The following UBR4 variants were observed in gnomAD, a reference collection of about 807,000 sequenced individuals.
UBR4 encodes the protein E3 ubiquitin-protein ligase UBR4.
UBR4 carries 124 observed loss-of-function variants against 575.6 expected under a neutral mutation model. The observed-to-expected ratio is 0.22, with a 90% confidence interval of 0.19 to 0.25. UBR4 has a LOEUF of 0.25. UBR4 is among the 10% of genes least tolerant of loss of function. The pLI is 1.00. For synonymous variants in UBR4, 2,455 were observed against 2,473.7 expected (o/e 0.99, Z 0.22); for missense variants, 4,818 against 6,478.8 (o/e 0.74, Z 8.80).
intron 55 of UBR4, among the ~76,000 whole-genome samples, chr1:19,143,231 GA>G (rs2084228230): frequency 9.8e-6 from 1 of 102,502 alleles, no homozygotes. Context: ...AGGAAGGAAG[GA>G]AGGCAGGAAG....
At chr1:19,203,006 A>G (rs1250721144) in intron 1 of UBR4, among the ~76,000 whole-genome samples, 1 of 151,924 alleles carries the variant, frequency 6.6e-6, no homozygotes, top group African/African-American at 2.4e-5. Context: ...GCTTGAACCC[A>G]GAAGGTAGAG....
In UBR4 at chr1:19,146,821, T is replaced by C. The variant is rs776749357; in HGVS notation, c.7804+5A>G. 3.1e-6 allele frequency: 5 copies of C among 1,611,616 alleles called. No individual in the cohort carries two copies. The African/African-American group carries it at 6.7e-5, about 22-fold the overall frequency. The stretch of plus-strand genomic sequence containing the variant: ...CAGGACCACGGCCACAGAGGCCAAG[T>C]TCACCTGTTTCCATCTGGGGCAGCT... On this transcript the variant is annotated splice_donor_5th_base_variant and intron_variant, in intron 52 of 105. Transcript: ENST00000375254.
intron 31 of UBR4, 51 bp downstream of exon 31, chr1:19,165,198 T>C: frequency 6.5e-7 from 1 of 1,546,368 alleles, no homozygotes; most frequent in Non-Finnish European, 8.9e-7. Flanking sequence ...TGCACAGTAT[T>C]AGCCGGACAT....
chr1:19,097,151 G>A, intron 91 of UBR4, 42 bp downstream of exon 91: 4 of 1,553,120 alleles, frequency 2.6e-6, no homozygotes, highest in Non-Finnish European at 3.5e-6. Context: ...AGCCGCTCAT[G>A]AGTCCCAAGC....
chr1:19,156,914 C>T lies in UBR4; in HGVS notation c.5772G>A (p.Leu1924=), dbSNP rs748282193. ...VSHEKGKITV[L]QLSALLKQAD... Reference sequence around the variant, plus strand: ...CTTGCTTCAGGAGTGCAGAGAGCTGCAGAACGGTGATCTGCAAAGGAACAA... The same window carrying T: ...CTTGCTTCAGGAGTGCAGAGAGCTGTAGAACGGTGATCTGCAAAGGAACAA... Residue 1924 remains leucine, a synonymous_variant, in exon 41 of 106, where the codon CTG becomes CTA. Coordinates refer to ENST00000375254, the MANE Select transcript of UBR4 (RefSeq NM_020765.3). 7 of 1,613,632 alleles carry T rather than the reference C, an allele frequency of 4.3e-6. No individual in the cohort carries two copies. Among genetic ancestry groups the T allele is most frequent in the Non-Finnish European group, 5.9e-6 (7 of 1,179,816 alleles).
chr1:19,145,754 G>C (rs1187515116), intron 53 of UBR4, 39 bp downstream of exon 53: 1 of 1,604,444 alleles, frequency 6.2e-7, no homozygotes, highest in Non-Finnish European at 8.5e-7. Flanking sequence ...ACTTACATCA[G>C]GCTTCATTAC....
At chr1:19,155,794 T>G (rs2086357809) in intron 42 of UBR4, 126 bp from the exon 43 acceptor site, 1 of 794,256 alleles carries the variant, frequency 1.3e-6, no homozygotes, top group South Asian at 1.7e-5. Flanking sequence ...AGTAAAAAAA[T>G]GGAGTGTTAG....
At position 19,107,053 on chromosome 1, in the gene UBR4, G is replaced by T. The variant is rs1002542689; in HGVS notation, c.12106-87C>A. On this transcript the variant is annotated intron_variant, in intron 81 of 105. Coordinates refer to ENST00000375254, the MANE Select transcript of UBR4 (RefSeq NM_020765.3). ...ACAGCATGGCACTGGTGCCCCAGGG[G>T]GTGATGTGCAAAGGCAAGAAGATCA... The T allele has an allele frequency of 1.0e-5, 16 of 1,550,942 alleles. No individual in the cohort carries two copies. The Admixed American group carries it at 2.6e-4, about 25-fold the overall frequency.
intron 60 of UBR4, among the ~76,000 whole-genome samples, chr1:19,133,907 T>C (rs930801522): frequency 6.6e-6 from 1 of 151,978 alleles, no homozygotes; most frequent in East Asian, 1.9e-4. Flanking sequence ...GACAAAACTC[T>C]GTCTCTACTA....
At chr1:19,208,712 C>T (rs2093148600) in intron 1 of UBR4, among the ~76,000 whole-genome samples, 1 of 151,988 alleles carries the variant, frequency 6.6e-6, no homozygotes, top group Non-Finnish European at 1.5e-5. Context: ...TTAAAGGTGG[C>T]CCCAGAATAC....
At chr1:19,122,778 G>T in intron 66 of UBR4, 55 bp downstream of exon 66, 8 of 1,591,336 alleles carry the variant, frequency 5.0e-6, no homozygotes, top group African/African-American at 1.3e-5. Context: ...TTACCTACTT[G>T]GCTAAGCCTT....
At chr1:19,190,948 T>C (rs1181659365) in intron 11 of UBR4, among the ~76,000 whole-genome samples, 1 of 152,200 alleles carries the variant, frequency 6.6e-6, no homozygotes, top group Non-Finnish European at 1.5e-5. Context: ...CTAGGTGATC[T>C]GGCCACTGGC....
At chr1:19,150,009 G>A (rs573907784) in intron 49 of UBR4, among the ~76,000 whole-genome samples, 20 of 152,230 alleles carry the variant, frequency 1.3e-4, no homozygotes, top group Non-Finnish European at 2.8e-4. Context: ...CTTACATCAT[G>A]AATTATAATA....
In UBR4 at chr1:19,112,745, G is replaced by T. The variant is rs773748409; in HGVS notation, c.11580C>A (p.Ser3860=). 1.2e-6 allele frequency: 2 copies of T among 1,614,224 alleles called. No individual in the cohort carries two copies. Among genetic ancestry groups the T allele is most frequent in the Non-Finnish European group, 1.7e-6 (2 of 1,180,032 alleles). Residue 3860 remains serine (S), a synonymous_variant, in exon 78 of 106, where the codon TCC becomes TCA. Transcript: ENST00000375254. The part of the protein sequence containing the change: ...TFTASQYRAL[S]VLGCGHTSST... ...AGGATGTGTGGCCACAGCCCAGGAC[G>T]GATAAGGCACGGTACTGGCTGGCAG... is the stretch of plus-strand genomic sequence containing the variant.
intron 49 of UBR4, chr1:19,149,724 C>A: frequency 1.5e-6 from 2 of 1,292,774 alleles, no homozygotes; most frequent in Non-Finnish European, 2.0e-6. Flanking sequence ...CTCTGACACA[C>A]ACTCACTCGT....
intron 49 of UBR4, 138 bp downstream of exon 49, chr1:19,150,439 C>T (rs536728053): frequency 2.5e-5 from 22 of 888,584 alleles, no homozygotes; most frequent in African/African-American, 1.2e-4. Context: ...TGAATGTGGG[C>T]GAGTTGTATG....
At chr1:19,143,643 A>C (rs2084416213) in intron 55 of UBR4, among the ~76,000 whole-genome samples, 1 of 152,144 alleles carries the variant, frequency 6.6e-6, no homozygotes, top group Non-Finnish European at 1.5e-5. Flanking sequence ...CTGTGATTTT[A>C]TTTTTGCTAT....
rs141853906 is a variant in UBR4 at position 19,138,831 on chromosome 1, T to C, written c.8731+252A>G. On this transcript the variant is annotated intron_variant, in intron 59 of 105. Coordinates refer to ENST00000375254, the MANE Select transcript of UBR4 (RefSeq NM_020765.3). ...GACTTACGCATGTCATTGCTTTTTT[T>C]CCACTAACAGATAATTAGTAAATAT... Among the ~76,000 whole-genome samples the C allele has an allele frequency of 3.4e-3, 524 of 152,244 alleles. 5 individuals are homozygous for C. The highest frequency in any genetic ancestry group is 6.8e-3 in the Middle Eastern group (2 of 294).
chr1:19,121,134 C>CA, intron 68 of UBR4, 55 bp downstream of exon 68: 1 of 1,585,808 alleles, frequency 6.3e-7, no homozygotes, highest in South Asian at 1.2e-5. Context: ...CCATGTGCTC[C>CA]AAGAGAGATT....
Sources: gnomAD v4.1 joint callset for allele counts (sites outside exome capture counted in the v4.1 genomes callset) on GRCh38, gnomAD v4.1.1 for gene constraint, MANE v1.5 for transcripts, NCBI Gene and HGNC (gene_info 2026-07-23, HGNC 2026-07-21) for gene names.